The following LRRC37A variants were observed in gnomAD, a reference collection of about 807,000 sequenced individuals.
LRRC37A encodes the protein leucine rich repeat containing 37A.
A neutral mutation model predicts 35.4 loss-of-function variants in LRRC37A; 3 were observed. The ratio of observed to expected loss-of-function variants is 0.08; its 90% CI spans 0.04 to 0.22. The LOEUF is 0.22. LRRC37A is among the 10% of genes least tolerant of loss of function. The probability of loss-of-function intolerance (pLI) is 1.00; values close to 1 mark genes in which losing one functional copy is unlikely to be tolerated. For missense variants in LRRC37A, 67 were observed against 565.3 expected, an observed-to-expected ratio of 0.12 and a Z score of 8.94; for synonymous variants, 23 against 215.0, an observed-to-expected ratio of 0.11 and a Z score of 7.81.
the LRRC37A span, among the ~76,000 whole-genome samples, chr17:46,265,581 C>T: frequency 6.7e-6 from 1 of 150,204 alleles, no homozygotes; most frequent in African/African-American, 2.5e-5. Context: ...TAGGCTCAAG[C>T]GATCCTCCCA....
the LRRC37A span, among the ~76,000 whole-genome samples, chr17:46,250,879 T>C: frequency 6.6e-6 from 1 of 151,550 alleles, no homozygotes; most frequent in East Asian, 1.9e-4. Flanking sequence ...CTCCTCTTCC[T>C]CTTCCTTCTC....
the LRRC37A span, chr17:46,268,613 GAGC>G: frequency 1.3e-6 from 2 of 1,554,872 alleles, no homozygotes; most frequent in Non-Finnish European, 8.7e-7. Flanking sequence ...GACTGCTGAG[GAGC>G]AGCAGCAGCT....
At chr17:46,270,775 T>A in the LRRC37A span, among the ~76,000 whole-genome samples, 1 of 152,120 alleles carries the variant, frequency 6.6e-6, no homozygotes, top group Non-Finnish European at 1.5e-5. Context: ...GGCATGGTGG[T>A]GCATGCCTGT....
At chr17:46,287,292 A>G in the LRRC37A span, among the ~76,000 whole-genome samples, 3 of 152,286 alleles carry the variant, frequency 2.0e-5, no homozygotes, top group Non-Finnish European at 4.4e-5. Context: ...GCAAAACTGT[A>G]ACAGGCACAA....
the LRRC37A span, among the ~76,000 whole-genome samples, chr17:46,283,959 A>G: frequency 1.3e-5 from 2 of 152,278 alleles, no homozygotes; most frequent in African/African-American, 4.8e-5. Flanking sequence ...TCAATGCCTT[A>G]CAAAGCAGTA....
chr17:46,258,575 T>C, the LRRC37A span, among the ~76,000 whole-genome samples: 18,247 of 149,866 alleles, frequency 0.12, no homozygotes, highest in Non-Finnish European at 0.18. Context: ...GTGGAACCAG[T>C]CCAAATGCCC....
the LRRC37A span, among the ~76,000 whole-genome samples, chr17:46,274,207 C>T: frequency 6.6e-6 from 1 of 152,226 alleles, no homozygotes; most frequent in South Asian, 2.1e-4. Flanking sequence ...GAAAAACTAT[C>T]TCCATTTATT....
At chr17:46,251,564 A>G in the LRRC37A span, among the ~76,000 whole-genome samples, 1 of 150,362 alleles carries the variant, frequency 6.7e-6, no homozygotes, top group Non-Finnish European at 1.5e-5. Context: ...GTCCTGCTTA[A>G]CGTCTTAAAA....
At chr17:46,281,074 C>T in the LRRC37A span, among the ~76,000 whole-genome samples, 1 of 152,182 alleles carries the variant, frequency 6.6e-6, no homozygotes, top group Non-Finnish European at 1.5e-5. Context: ...AAAAATCTGA[C>T]ACCAATCTAA....
rs1474399726 is a variant in LRRC37A at position 46,335,609 on chromosome 17, G to A, written c.4859+15G>A. 2 of 182,666 alleles carry A rather than the reference G, an allele frequency of 1.1e-5. No individual in the cohort carries two copies. Among genetic ancestry groups the A allele is most frequent in the African/African-American group, 3.6e-5 (2 of 55,096 alleles). 11.3% of individuals were successfully genotyped at this position (182,666 alleles called of 1,614,324 possible). A position where few individuals can be genotyped will look rare whatever the true frequency, so the allele number is the denominator to read the frequency against. On this transcript the variant is annotated intron_variant, in intron 11 of 13. Transcript: ENST00000320254. ...GGATTCTCAAGGTAAATATTAGTCTGGTGATTTTTTTTTTCTTCTCTTTTG... is the reference window on the plus strand; with the variant it reads ...GGATTCTCAAGGTAAATATTAGTCTAGTGATTTTTTTTTTCTTCTCTTTTG...
the LRRC37A span, among the ~76,000 whole-genome samples, chr17:46,261,580 T>G: frequency 1.3e-5 from 2 of 152,034 alleles, no homozygotes; most frequent in East Asian, 3.9e-4. Context: ...CCCAGCTAAT[T>G]TTTTGTATTT....
At chr17:46,297,294 CTGG>C in exon 1 of LRRC37A, 1 of 529,412 alleles carries the variant, frequency 1.9e-6, no homozygotes, top group Non-Finnish European at 3.1e-6. Context: ...CGTTCAACCT[CTGG>C]ACCTGGAGCT....
intron 5 of LRRC37A, among the ~76,000 whole-genome samples, chr17:46,321,336 A>G: frequency 1.1e-5 from 1 of 87,844 alleles, no homozygotes; most frequent in Non-Finnish European, 2.0e-5. Context: ...AGCCTGGGTG[A>G]CAGAGTGAGA....
At chr17:46,268,744 A>G in the LRRC37A span, 2 of 1,297,226 alleles carry the variant, frequency 1.5e-6, no homozygotes, top group Non-Finnish European at 2.0e-6. Context: ...GCAACAAGAC[A>G]TGAAAGGTCT....
the LRRC37A span, among the ~76,000 whole-genome samples, chr17:46,252,968 G>A: frequency 2.5e-4 from 28 of 113,980 alleles, 4 homozygotes; most frequent in Admixed American, 3.8e-4. Context: ...GCTGCCGGGC[G>A]GAGACGCTCC....
chr17:46,276,635 G>A, the LRRC37A span, among the ~76,000 whole-genome samples: 1 of 152,182 alleles, frequency 6.6e-6, no homozygotes, highest in Non-Finnish European at 1.5e-5. Context: ...ATATGGCAAA[G>A]GAAATTCTGG....
the LRRC37A span, among the ~76,000 whole-genome samples, chr17:46,279,631 G>A: frequency 2.4e-4 from 36 of 151,022 alleles, no homozygotes; most frequent in East Asian, 1.4e-3. Context: ...TGGAGTAGCT[G>A]GGATCATGGG....
At chr17:46,304,639 T>C (rs2050452632) in intron 3 of LRRC37A, among the ~76,000 whole-genome samples, 1 of 66,032 alleles carries the variant, frequency 1.5e-5, no homozygotes, top group Non-Finnish European at 4.6e-5. Flanking sequence ...CTGAAGAAAT[T>C]TTTTTTTATG....
chr17:46,263,874 AG>A, the LRRC37A span, among the ~76,000 whole-genome samples: 1 of 105,780 alleles, frequency 9.5e-6, no homozygotes, highest in Non-Finnish European at 2.4e-5. Flanking sequence ...AAAAAAAAAA[AG>A]AGAGAGAGAC....
Sources: gnomAD v4.1 joint callset for allele counts (sites outside exome capture counted in the v4.1 genomes callset) on GRCh38, gnomAD v4.1.1 for gene constraint, MANE v1.5 for transcripts, NCBI Gene and HGNC (gene_info 2026-07-23, HGNC 2026-07-21) for gene names.